The following C11orf65 variants were observed in gnomAD, a reference collection of about 807,000 sequenced individuals.
C11orf65 encodes chromosome 11 open reading frame 65.
C11orf65 carries 38 observed loss-of-function variants against 35.3 expected under a neutral mutation model. That is an observed-to-expected ratio of 1.08 (90% CI 0.83 to 1.41). The LOEUF (loss-of-function observed/expected upper bound fraction) is 1.41. C11orf65 is among the 40% of genes most tolerant of loss of function. The pLI is 0.00. For missense variants in C11orf65, 370 were observed against 367.1 expected (o/e 1.01, Z -0.06); for synonymous variants, 105 against 114.4 (o/e 0.92, Z 0.53).
intron 6 of C11orf65, chr11:108,316,099 G>C (rs2136131994): frequency 6.2e-7 from 1 of 1,614,032 alleles, no homozygotes; most frequent in Non-Finnish European, 8.5e-7. Context: ...AACACGCCAG[G>C]CAGGAATCAT....
chr11:108,364,316 A>G (rs1358356474), intron 2 of C11orf65, among the ~76,000 whole-genome samples: 2 of 152,158 alleles, frequency 1.3e-5, no homozygotes, highest in East Asian at 1.9e-4. Context: ...GCTAAAGCCT[A>G]TTTTTTTTAA....
chr11:108,373,323 C>A (rs1373870882), intron 2 of C11orf65, among the ~76,000 whole-genome samples: 1 of 152,022 alleles, frequency 6.6e-6, no homozygotes, highest in Non-Finnish European at 1.5e-5. Context: ...ACTCATCAAA[C>A]TAGGAATAAA....
intron 2 of C11orf65, among the ~76,000 whole-genome samples, chr11:108,359,749 G>A (rs1175501947): frequency 3.3e-5 from 5 of 152,088 alleles, no homozygotes; most frequent in African/African-American, 4.8e-5. Flanking sequence ...TGAAACCAAC[G>A]AGAACAAAGA....
intron 6 of C11orf65, among the ~76,000 whole-genome samples, chr11:108,311,638 C>T (rs2084170243): frequency 6.6e-6 from 1 of 151,414 alleles, no homozygotes; most frequent in Non-Finnish European, 1.5e-5. Context: ...GGAGAGGCTG[C>T]AGTGAGCCAT....
intron 3 of C11orf65, among the ~76,000 whole-genome samples, chr11:108,334,172 C>T (rs551801436): frequency 6.6e-6 from 1 of 152,146 alleles, no homozygotes; most frequent in African/African-American, 2.4e-5. Context: ...TTTTCCATTG[C>T]CTTCTGTTCT....
At position 108,431,821 on chromosome 11, in the gene C11orf65, T is replaced by C; in HGVS notation, c.99A>G (p.Gln33=). Residue 33 remains glutamine (Q), a synonymous_variant, in exon 3 of 9, where the codon CAA becomes CAG. Transcript: ENST00000393084. ...TTAAATCAATCAGACTTTTAAAGTG[T>C]TGAAATATAGCGACATTCTAAAGGT... is the stretch of plus-strand genomic sequence containing the variant. ...WKSFLNVAIF[Q]HFKSLIDLRR... is the part of the protein sequence containing the mutation. 3.3e-6 allele frequency: 5 copies of C among 1,510,938 alleles called. No individual in the cohort carries two copies. Among genetic ancestry groups the C allele is most frequent in the South Asian group, 1.4e-5 (1 of 73,986 alleles). 93.6% of individuals were successfully genotyped at this position (1,510,938 alleles called of 1,614,324 possible).
chr11:108,407,450 T>A (rs898598955), intron 3 of C11orf65, among the ~76,000 whole-genome samples: 3 of 151,306 alleles, frequency 2.0e-5, no homozygotes, highest in Non-Finnish European at 2.9e-5. Context: ...TAGCTGAGAC[T>A]ACAGGTGTGC....
intron 2 of C11orf65, among the ~76,000 whole-genome samples, 170 bp from the exon 3 acceptor site, chr11:108,432,008 T>C (rs1591540996): frequency 6.6e-6 from 1 of 152,226 alleles, no homozygotes; most frequent in East Asian, 1.9e-4. Context: ...ATAACCCTAG[T>C]AGTATTAGTA....
At chr11:108,336,939 G>A (rs1209778505) in intron 2 of C11orf65, among the ~76,000 whole-genome samples, 1 of 152,260 alleles carries the variant, frequency 6.6e-6, no homozygotes, top group South Asian at 2.1e-4. Context: ...TTTCATTCCT[G>A]TACCTCATTT....
In C11orf65 at chr11:108,405,686, T is replaced by C. The variant is rs939355547; in HGVS notation, c.430-127A>G. 7.4e-6 allele frequency: 7 copies of C among 951,014 alleles called. No homozygotes were observed. The East Asian group carries it at 1.2e-4, about 17-fold the overall frequency. 58.9% of individuals were successfully genotyped at this position (951,014 alleles called of 1,614,324 possible). On this transcript the variant is annotated intron_variant, in intron 5 of 8. Coordinates refer to ENST00000393084, the MANE Select transcript of C11orf65 (RefSeq NM_152587.5). ...AGATAGAAACAGAGGAGAGGATAGATACTTTCAAGGTATTTCTAATTAAGT... is the reference window on the plus strand; with the variant it reads ...AGATAGAAACAGAGGAGAGGATAGACACTTTCAAGGTATTTCTAATTAAGT...
chr11:108,332,936 G>T (rs775396645), intron 3 of C11orf65: 3 of 1,596,674 alleles, frequency 1.9e-6, no homozygotes, highest in South Asian at 2.2e-5. Flanking sequence ...TTACTTTCTT[G>T]CTGTGTTACT....
At chr11:108,357,486 G>A (rs1435295827) in intron 2 of C11orf65, among the ~76,000 whole-genome samples, 1 of 152,128 alleles carries the variant, frequency 6.6e-6, no homozygotes, top group African/African-American at 2.4e-5. Context: ...TCCACCTCTG[G>A]GGGCAGGGCA....
chr11:108,433,298 C>T (rs1293971399), intron 2 of C11orf65, among the ~76,000 whole-genome samples: 1 of 149,958 alleles, frequency 6.7e-6, no homozygotes, highest in Admixed American at 6.7e-5. Flanking sequence ...TATATATATG[C>T]CGGGCTCAGT....
intron 2 of C11orf65, among the ~76,000 whole-genome samples, chr11:108,433,381 AC>A (rs1166029082): frequency 6.6e-6 from 1 of 151,792 alleles, no homozygotes; most frequent in Admixed American, 6.6e-5. Context: ...GATCGAGACC[AC>A]CCCGGCTAAC....
intron 2 of C11orf65, chr11:108,353,904 G>C (rs761510445): frequency 2.5e-6 from 4 of 1,593,298 alleles, no homozygotes; most frequent in Non-Finnish European, 3.4e-6. Flanking sequence ...AGTAAAGGAG[G>C]GAAATAATTT....
intron 2 of C11orf65, among the ~76,000 whole-genome samples, chr11:108,442,581 T>C (rs1375863944): frequency 6.6e-6 from 1 of 152,090 alleles, no homozygotes; most frequent in Non-Finnish European, 1.5e-5. Context: ...GAGAGAAAGG[T>C]CGGGTTACCC....
chr11:108,421,410 C>A (rs1432774333), intron 3 of C11orf65, among the ~76,000 whole-genome samples: 1 of 152,190 alleles, frequency 6.6e-6, no homozygotes, highest in Non-Finnish European at 1.5e-5. Context: ...AATCCCAGAA[C>A]TTTGGGAGGC....
At chr11:108,402,797 G>C (rs950019864) in intron 6 of C11orf65, among the ~76,000 whole-genome samples, 1 of 152,030 alleles carries the variant, frequency 6.6e-6, no homozygotes, top group African/African-American at 2.4e-5. Context: ...CTTCAGATTT[G>C]TGTCTTCTAG....
chr11:108,448,150 C>A (rs927204433), intron 2 of C11orf65, among the ~76,000 whole-genome samples: 2 of 152,104 alleles, frequency 1.3e-5, no homozygotes, highest in African/African-American at 2.4e-5. Flanking sequence ...CAATAGCTTA[C>A]CAACCAAAAA....
Sources: allele counts gnomAD v4.1 joint callset (sites outside exome capture counted in the v4.1 genomes callset), GRCh38; gene constraint gnomAD v4.1.1; transcripts MANE v1.5; gene names NCBI Gene and HGNC (gene_info 2026-07-23, HGNC 2026-07-21).